The following RGL1 variants were observed in gnomAD, a reference collection of about 807,000 sequenced individuals.
The protein encoded by RGL1 is ral guanine nucleotide dissociation stimulator like 1.
A neutral mutation model predicts 95.2 loss-of-function variants in RGL1; 24 were observed. The observed-to-expected ratio is 0.25, with a 90% confidence interval of 0.18 to 0.35. The LOEUF (loss-of-function observed/expected upper bound fraction) is 0.35. RGL1 is among the 10% of genes least tolerant of loss of function. RGL1 has a pLI of 1.00. For synonymous variants in RGL1, 329 were observed against 344.9 expected (o/e 0.95, Z 0.51); for missense variants, 715 against 936.3 (o/e 0.76, Z 3.08).
intron 7 of RGL1, among the ~76,000 whole-genome samples, chr1:183,885,452 T>G (rs530875558): frequency 1.3e-5 from 2 of 152,330 alleles, no homozygotes; most frequent in South Asian, 4.1e-4. Flanking sequence ...AGAGATCTCA[T>G]ATTAATCTGA....
intron 1 of RGL1, among the ~76,000 whole-genome samples, chr1:183,704,740 T>A (rs986735320): frequency 6.6e-6 from 1 of 152,128 alleles, no homozygotes; most frequent in Non-Finnish European, 1.5e-5. Context: ...TTGGAGGAGC[T>A]GTTGGGCAGA....
intron 1 of RGL1, among the ~76,000 whole-genome samples, chr1:183,704,888 C>A (rs1654809389): frequency 6.6e-6 from 1 of 152,192 alleles, no homozygotes; most frequent in Admixed American, 6.5e-5. Flanking sequence ...TGGAGGCAGG[C>A]AGGCCATCCA....
intron 1 of RGL1, among the ~76,000 whole-genome samples, chr1:183,736,327 G>A (rs1396760039): frequency 6.6e-6 from 1 of 152,136 alleles, no homozygotes; most frequent in Admixed American, 6.6e-5. Flanking sequence ...ATTTGAGGGA[G>A]GTGAATGCTT....
chr1:183,895,898 TTCTC>T (rs1475838585), intron 9 of RGL1, among the ~76,000 whole-genome samples: 2 of 152,222 alleles, frequency 1.3e-5, no homozygotes, highest in African/African-American at 4.8e-5. Context: ...TCTCAGGCGT[TTCTC>T]TCTCCTATCT....
intron 2 of RGL1, among the ~76,000 whole-genome samples, chr1:183,836,574 G>A (rs1374557652): frequency 1.3e-5 from 2 of 152,094 alleles, no homozygotes; most frequent in African/African-American, 4.8e-5. Flanking sequence ...AGCCTTCAGT[G>A]TATGTTTCAA....
intron 1 of RGL1, among the ~76,000 whole-genome samples, chr1:183,736,735 C>T (rs558870197): frequency 1.3e-5 from 2 of 152,106 alleles, no homozygotes; most frequent in East Asian, 3.9e-4. Context: ...GGGTAAATGC[C>T]AGACATTTTC....
intron 3 of RGL1, 92 bp from the exon 4 acceptor site, chr1:183,865,904 G>T: frequency 1.2e-6 from 1 of 846,912 alleles, no homozygotes. Flanking sequence ...CTTCTGAAAA[G>T]TATAACTGTC....
intron 2 of RGL1, among the ~76,000 whole-genome samples, chr1:183,816,936 ATTGG>A (rs532592032): frequency 1.6e-3 from 238 of 151,716 alleles, no homozygotes; most frequent in Middle Eastern, 3.4e-3. Flanking sequence ...CTGTTTGTAG[ATTGG>A]TTGTGGGAAA....
chr1:183,784,629 G>C lies in RGL1; in HGVS notation c.133-21746G>C, dbSNP rs568723175. On this transcript the variant is annotated intron_variant, in intron 2 of 18. Transcript: ENST00000304685. The stretch of plus-strand genomic sequence containing the variant: ...CCTTCGACGCTGGGTTTACAGGTGG[G>C]AGCAGAGCGGTCCAGCTGTTTGGAG... Among the ~76,000 whole-genome samples, 4 of 152,328 alleles carry C rather than the reference G, an allele frequency of 2.6e-5. No individual in the cohort carries two copies. In the South Asian group the frequency reaches 8.3e-4, roughly 32 times the overall value.
At chr1:183,659,851 T>C (rs1375005461) in intron 1 of RGL1, among the ~76,000 whole-genome samples, 2 of 150,548 alleles carry the variant, frequency 1.3e-5, no homozygotes, top group South Asian at 2.1e-4. Context: ...AGACTAACAG[T>C]GGATCTCTCG....
At chr1:183,855,519 A>G (rs1434478576) in intron 3 of RGL1, among the ~76,000 whole-genome samples, 1 of 152,254 alleles carries the variant, frequency 6.6e-6, no homozygotes. Flanking sequence ...TGCAGTGTTC[A>G]TGTTCCTGTA....
chr1:183,876,380 C>T (rs1377555283), intron 4 of RGL1, among the ~76,000 whole-genome samples: 1 of 152,202 alleles, frequency 6.6e-6, no homozygotes, highest in Admixed American at 6.5e-5. Context: ...TGTATGTTGC[C>T]AAGAATGCCT....
intron 1 of RGL1, among the ~76,000 whole-genome samples, chr1:183,691,000 A>G (rs58686647): frequency 0.081 from 12,311 of 152,244 alleles, 913 homozygotes; most frequent in African/African-American, 0.2. Flanking sequence ...GTTCACTGAG[A>G]TTTTTGGATT....
intron 14 of RGL1, among the ~76,000 whole-genome samples, chr1:183,910,972 G>A (rs1668610104): frequency 6.6e-6 from 1 of 152,208 alleles, no homozygotes; most frequent in Non-Finnish European, 1.5e-5. Context: ...CAAATTTGAA[G>A]TTCTCAGGAG....
intron 2 of RGL1, among the ~76,000 whole-genome samples, chr1:183,751,012 G>A (rs1330931273): frequency 6.6e-6 from 1 of 152,254 alleles, no homozygotes; most frequent in East Asian, 1.9e-4. Flanking sequence ...CTGCTGGGAG[G>A]TGTCTCCCAG....
chr1:183,760,055 G>A lies in RGL1; in HGVS notation c.132+17766G>A, dbSNP rs554851045. ...CTCAGTAAAGCAAATATTGCACAAA[G>A]TAAGTCACATAAATTTTTTTTTGTT... is the stretch of plus-strand genomic sequence containing the variant. On this transcript the variant is annotated intron_variant, in intron 2 of 18. Coordinates refer to the RGL1 transcript ENST00000304685. Among the ~76,000 whole-genome samples the A allele has an allele frequency of 2.1e-5, 3 of 140,282 alleles. No individual in the cohort carries two copies. The South Asian group carries it at 6.9e-4, about 32-fold the overall frequency. 92.0% of individuals were successfully genotyped at this position (140,282 alleles called of 152,430 possible).
intron 1 of RGL1, among the ~76,000 whole-genome samples, chr1:183,711,751 TC>T (rs1229631622): frequency 6.6e-6 from 1 of 151,372 alleles, no homozygotes; most frequent in African/African-American, 2.4e-5. Context: ...ATTAAGTTTC[TC>T]ACAAGCATTT....
intron 2 of RGL1, among the ~76,000 whole-genome samples, chr1:183,751,034 G>C (rs1278453010): frequency 6.6e-6 from 1 of 152,218 alleles, no homozygotes; most frequent in African/African-American, 2.4e-5. Flanking sequence ...TAGGAGGCAT[G>C]GGGGACAGGG....
intron 1 of RGL1, among the ~76,000 whole-genome samples, chr1:183,732,583 C>T (rs1656692436): frequency 1.3e-5 from 2 of 152,228 alleles, no homozygotes; most frequent in South Asian, 4.2e-4. Context: ...AGAACACAGC[C>T]ACATCTGTCA....
Sources: allele counts gnomAD v4.1 joint callset (sites outside exome capture counted in the v4.1 genomes callset), GRCh38; gene constraint gnomAD v4.1.1; transcripts MANE v1.5; gene names NCBI Gene and HGNC (gene_info 2026-07-23, HGNC 2026-07-21).